Variants in FHL1 observed in about 807,000 individuals in gnomAD.
FHL1 encodes the protein four and a half LIM domains 1.
In FHL1, 1 loss-of-function variant was observed where a neutral mutation model predicts 20.3. That is an observed-to-expected ratio of 0.05 (90% CI 0.02 to 0.23). FHL1 has a LOEUF of 0.23. FHL1 is among the 10% of genes least tolerant of loss of function. FHL1 has a pLI of 1.00. For synonymous variants in FHL1, 82 were observed against 88.9 expected (o/e 0.92, Z 0.44); for missense variants, 177 against 234.0 (o/e 0.76, Z 1.59).
chrX:136,177,144 C>T (rs1388924513), intron 2 of FHL1, among the ~76,000 whole-genome samples: 1 of 111,036 alleles, frequency 9.0e-6, no homozygotes, highest in African/African-American at 3.3e-5. Flanking sequence ...GTCAGAATAC[C>T]AAATCAATGG....
Position 136,211,189 on chromosome X carries a change from T to C in FHL1, c.*1164T>C, listed in dbSNP as rs1198125155. On this transcript the variant is annotated 3_prime_UTR_variant, in exon 6 of 6. Transcript: ENST00000370683. ...CTGTATTCTACATTATTATATGACATAGTATAATGAGACAATATCAAAAGT... is the reference window on the plus strand; with the variant it reads ...CTGTATTCTACATTATTATATGACACAGTATAATGAGACAATATCAAAAGT... The C allele has an allele frequency of 1.1e-5, 4 of 364,449 alleles. No individual in the cohort carries two copies. Among genetic ancestry groups the C allele is most frequent in the Admixed American group, 3.0e-5 (1 of 33,205 alleles). The allele number at this position is 364,449 out of a possible 1,213,427, so 30.0% of individuals were successfully genotyped here. A position where few individuals can be genotyped will look rare whatever the true frequency, so the allele number is the denominator to read the frequency against.
At chrX:136,176,961 C>T (rs1301639982) in intron 2 of FHL1, among the ~76,000 whole-genome samples, 2 of 103,774 alleles carry the variant, frequency 1.9e-5, no homozygotes, top group South Asian at 9.4e-4. Flanking sequence ...ACACAGTCTT[C>T]AACCAGAGTA....
upstream of FHL1, among the ~76,000 whole-genome samples, chrX:136,165,895 G>A (rs1441122190): frequency 1.8e-5 from 2 of 111,934 alleles, no homozygotes; most frequent in African/African-American, 6.5e-5. Context: ...AATAATATAT[G>A]TGGTTTGTCT....
intron 5 of FHL1, chrX:136,209,454 CCCCACGAACAG>C: frequency 9.1e-6 from 11 of 1,207,945 alleles, no homozygotes; most frequent in Non-Finnish European, 1.2e-5. Flanking sequence ...TAAGTGCACA[CCCCACGAACAG>C]CCCAAGTTTG....
chrX:136,171,584 A>G (rs1028624409), intron 2 of FHL1, among the ~76,000 whole-genome samples: 4 of 112,822 alleles, frequency 3.5e-5, no homozygotes, highest in African/African-American at 1.3e-4. Flanking sequence ...ATGCATATGC[A>G]TTGTTTGCCC....
chrX:136,172,921 C>T (rs2072909983), intron 2 of FHL1, among the ~76,000 whole-genome samples: 2 of 111,515 alleles, frequency 1.8e-5, no homozygotes, highest in Non-Finnish European at 3.8e-5. Flanking sequence ...TTAGTGGAGA[C>T]GGGGTTTCAC....
At chrX:136,158,341 GT>G (rs1439637342) in intron 1 of FHL1, among the ~76,000 whole-genome samples, 1 of 111,821 alleles carries the variant, frequency 8.9e-6, no homozygotes, top group Non-Finnish European at 1.9e-5. Flanking sequence ...TTGTCCCTTC[GT>G]TTGTCACCTT....
chrX:136,169,505 TAAAAG>T (rs1364128857), upstream of FHL1: 9 of 198,980 alleles, frequency 4.5e-5, no homozygotes, highest in Non-Finnish European at 6.3e-5. Context: ...CTAAAGATGT[TAAAAG>T]AGAGAGAGAG....
chrX:136,177,426 G>A (rs1021261627), intron 2 of FHL1, among the ~76,000 whole-genome samples: 1 of 111,882 alleles, frequency 8.9e-6, no homozygotes, highest in Non-Finnish European at 1.9e-5. Context: ...GGTAGGTAGA[G>A]TCAAACCATC....
At chrX:136,161,315 A>G (rs1041596285) in intron 1 of FHL1, among the ~76,000 whole-genome samples, 2 of 110,781 alleles carry the variant, frequency 1.8e-5, no homozygotes, top group African/African-American at 6.6e-5. Flanking sequence ...TTACTTTTGA[A>G]TTTTCTGTTA....
chrX:136,176,996 A>G (rs968944642), intron 2 of FHL1, among the ~76,000 whole-genome samples: 2 of 105,288 alleles, frequency 1.9e-5, no homozygotes, highest in African/African-American at 7.1e-5. Context: ...AAAGAAAGCT[A>G]AGAAGTCATG....
intron 1 of FHL1, among the ~76,000 whole-genome samples, chrX:136,157,130 C>A (rs748156627): frequency 9.0e-6 from 1 of 111,505 alleles, no homozygotes; most frequent in African/African-American, 3.3e-5. Context: ...TAGCAACTAC[C>A]CTGTAAATGA....
At chrX:136,184,122 A>G (rs183967340) in intron 2 of FHL1, among the ~76,000 whole-genome samples, 2 of 112,331 alleles carry the variant, frequency 1.8e-5, no homozygotes, top group East Asian at 2.8e-4. Flanking sequence ...AGTTACCACC[A>G]TAACAGTAGG....
intron 2 of FHL1, among the ~76,000 whole-genome samples, chrX:136,173,976 G>C (rs1024034245): frequency 1.4e-4 from 16 of 111,872 alleles, no homozygotes; most frequent in African/African-American, 4.9e-4. Flanking sequence ...AGGATTACAG[G>C]CGTGAGCCCC....
intron 1 of FHL1, among the ~76,000 whole-genome samples, chrX:136,164,015 C>G (rs1049847677): frequency 9.0e-6 from 1 of 111,544 alleles, no homozygotes; most frequent in Non-Finnish European, 1.9e-5. Flanking sequence ...ATTGAGAGGA[C>G]ATCAGTCTTC....
intron 1 of FHL1, among the ~76,000 whole-genome samples, chrX:136,156,857 T>C (rs1042837302): frequency 1.2e-4 from 13 of 111,276 alleles, no homozygotes; most frequent in African/African-American, 3.9e-4. Flanking sequence ...GGTCTAGTTT[T>C]ATGCGTCATT....
chrX:136,146,716 G>T, upstream of FHL1: 1 of 322,977 alleles, frequency 3.1e-6, no homozygotes, highest in South Asian at 2.7e-5. Flanking sequence ...AGACAACGCT[G>T]TTATCACCAG....
At chrX:136,189,979 C>A (rs1260294215) in intron 2 of FHL1, among the ~76,000 whole-genome samples, 2 of 111,967 alleles carry the variant, frequency 1.8e-5, no homozygotes, top group Non-Finnish European at 3.8e-5. Flanking sequence ...CCAGTCTAAA[C>A]CGTTTTACCT....
chrX:136,201,486 G>A (rs142187818), intron 1 of FHL1, among the ~76,000 whole-genome samples: 2,127 of 89,945 alleles, frequency 0.024, 41 homozygotes, highest in African/African-American at 0.07. Context: ...GTTAAACACC[G>A]CAATTTTGCC....
Sources: allele counts gnomAD v4.1 joint callset (sites outside exome capture counted in the v4.1 genomes callset), GRCh38; gene constraint gnomAD v4.1.1; transcripts MANE v1.5; gene names NCBI Gene and HGNC (gene_info 2026-07-23, HGNC 2026-07-21).